BLTP1: variants seen among roughly 807,000 people sequenced by gnomAD.
BLTP1 encodes the protein fragile site-associated protein.
the BLTP1 span, among the ~76,000 whole-genome samples, chr4:122,345,360 T>G: frequency 6.6e-6 from 1 of 152,094 alleles, no homozygotes; most frequent in Non-Finnish European, 1.5e-5. Context: ...TTGGCCCACA[T>G]TTTGAAAAAT....
chr4:122,232,297 C>T, the BLTP1 span: 2 of 178,322 alleles, frequency 1.1e-5, no homozygotes, highest in Admixed American at 1.3e-4. Context: ...GGGTTGGTTC[C>T]CTGTATCCCC....
chr4:122,245,980 A>G, the BLTP1 span: 12 of 273,136 alleles, frequency 4.4e-5, no homozygotes, highest in Non-Finnish European at 5.6e-5. Flanking sequence ...TGATGCTACC[A>G]GTCTTTTTCC....
the BLTP1 span, chr4:122,304,578 C>T: frequency 5.2e-6 from 1 of 193,666 alleles, no homozygotes; most frequent in Non-Finnish European, 9.4e-6. Flanking sequence ...ATTTAATGGA[C>T]TGTAGTATAA....
chr4:122,234,843 G>GGC, the BLTP1 span: 1 of 1,613,286 alleles, frequency 6.2e-7, no homozygotes. Context: ...TTGTCTCGGT[G>GGC]GCTGCAGATT....
chr4:122,259,472 C>A, the BLTP1 span, among the ~76,000 whole-genome samples: 1 of 152,102 alleles, frequency 6.6e-6, no homozygotes, highest in Non-Finnish European at 1.5e-5. Context: ...CTTAATGAAT[C>A]ATTTGTTGTT....
At chr4:122,249,149 T>C in the BLTP1 span, 1 of 734,590 alleles carries the variant, frequency 1.4e-6, no homozygotes, top group Admixed American at 6.3e-5. Flanking sequence ...AATTGAATTT[T>C]TTTTTTATTT....
At chr4:122,215,814 C>T in the BLTP1 span, among the ~76,000 whole-genome samples, 1 of 148,432 alleles carries the variant, frequency 6.7e-6, no homozygotes, top group Admixed American at 6.7e-5. Context: ...CTATACTCAA[C>T]GTGTAGTCTT....
the BLTP1 span, among the ~76,000 whole-genome samples, chr4:122,240,686 G>T: frequency 2.0e-5 from 3 of 152,206 alleles, no homozygotes; most frequent in African/African-American, 7.2e-5. Flanking sequence ...TGTTTTTAAT[G>T]ATGTTCTTTT....
At chr4:122,288,979 C>A in the BLTP1 span, 1 of 1,229,494 alleles carries the variant, frequency 8.1e-7, no homozygotes, top group Non-Finnish European at 1.1e-6. Flanking sequence ...GATTTCAAAT[C>A]ATATAGAGAT....
chr4:122,276,323 A>G, the BLTP1 span: 40 of 503,244 alleles, frequency 7.9e-5, no homozygotes, highest in East Asian at 3.1e-3. Flanking sequence ...AAAGTACTTA[A>G]TTTTTGATAT....
At chr4:122,297,684 A>C in the BLTP1 span, among the ~76,000 whole-genome samples, 1 of 152,216 alleles carries the variant, frequency 6.6e-6, no homozygotes, top group Non-Finnish European at 1.5e-5. Context: ...TAGACTGGAT[A>C]AAGAAAATGT....
the BLTP1 span, chr4:122,264,441 C>G: frequency 1.3e-6 from 2 of 1,584,520 alleles, no homozygotes; most frequent in East Asian, 4.5e-5. Flanking sequence ...AGCCAGCCTG[C>G]TTTTTCCTAA....
At chr4:122,312,620 A>G in the BLTP1 span, 2 of 153,658 alleles carry the variant, frequency 1.3e-5, no homozygotes, top group South Asian at 2.1e-4. Flanking sequence ...CACAGGTACT[A>G]TACAGTTCAA....
chr4:122,250,319 C>T, the BLTP1 span: 1 of 1,544,684 alleles, frequency 6.5e-7, no homozygotes. Flanking sequence ...CATTAAGACA[C>T]TTATTCACCA....
the BLTP1 span, chr4:122,267,513 T>C: frequency 1.1e-3 from 292 of 264,798 alleles, 3 homozygotes; most frequent in African/African-American, 6.1e-3. Flanking sequence ...TAGATGAGGG[T>C]CATATATATT....
the BLTP1 span, among the ~76,000 whole-genome samples, chr4:122,314,302 A>C: frequency 6.6e-6 from 1 of 152,148 alleles, no homozygotes. Flanking sequence ...AAAGATGGAA[A>C]AATGTTAAAT....
chr4:122,202,489 G>A, the BLTP1 span: 1 of 622,130 alleles, frequency 1.6e-6, no homozygotes, highest in Non-Finnish European at 2.0e-6. Context: ...ACACTTGGTT[G>A]AGCTGGAATT....
chr4:122,300,174 A>G, the BLTP1 span, among the ~76,000 whole-genome samples: 1 of 151,856 alleles, frequency 6.6e-6, no homozygotes, highest in Non-Finnish European at 1.5e-5. Context: ...ACACCCAGCT[A>G]ATTTTTTTTA....
At chr4:122,192,453 G>A in the BLTP1 span, 1 of 1,018,448 alleles carries the variant, frequency 9.8e-7, no homozygotes, top group Non-Finnish European at 1.4e-6. Context: ...ATAAAAGCTA[G>A]CTTAAAATTT....
Sources: allele counts gnomAD v4.1 joint callset (sites outside exome capture counted in the v4.1 genomes callset), GRCh38; gene constraint gnomAD v4.1.1; transcripts MANE v1.5; gene names NCBI Gene and HGNC (gene_info 2026-07-23, HGNC 2026-07-21).